The following SDC1 variants were observed in gnomAD, a reference collection of about 807,000 sequenced individuals.
SDC1 encodes syndecan 1, also known as syndecan-1.
SDC1 carries 14 observed loss-of-function variants against 29.7 expected under a neutral mutation model. The ratio of observed to expected loss-of-function variants is 0.47; its 90% CI spans 0.31 to 0.74. The LOEUF is 0.74. SDC1 is among the 30% of genes least tolerant of loss of function. SDC1 has a pLI of 0.05. For missense variants in SDC1, 406 were observed against 400.3 expected (o/e 1.01, Z -0.12); for synonymous variants, 204 against 175.5 (o/e 1.16, Z -1.29).
chr2:20,213,637 C>G (rs1677541785), intron 1 of SDC1, among the ~76,000 whole-genome samples: 1 of 152,204 alleles, frequency 6.6e-6, no homozygotes, highest in South Asian at 2.1e-4. Flanking sequence ...CCCTAAAGAG[C>G]CCACCAAGGT....
At chr2:20,208,395 C>A (rs1677349378) in intron 1 of SDC1, among the ~76,000 whole-genome samples, 1 of 152,254 alleles carries the variant, frequency 6.6e-6, no homozygotes, top group Non-Finnish European at 1.5e-5. Context: ...GAAACCAGCT[C>A]CCTGGCCTCC....
Position 20,224,154 on chromosome 2 carries a change from T to C in SDC1, c.66+648A>G. 1 of 426,348 alleles carries C rather than the reference T, an allele frequency of 2.3e-6. No individual in the cohort carries two copies. Among genetic ancestry groups the C allele is most frequent in the Non-Finnish European group, 4.7e-6 (1 of 213,782 alleles). The allele number at this position is 426,348 out of a possible 1,614,324, so 26.4% of individuals were successfully genotyped here. ...GGTCTCCAGCGTTCCGAGGCCAACTTCCCGGAACCTCCCGCTGCCGGGCCG... is the reference window on the plus strand; with the variant it reads ...GGTCTCCAGCGTTCCGAGGCCAACTCCCCGGAACCTCCCGCTGCCGGGCCG... On this transcript the variant is annotated intron_variant, in intron 1 of 4. Transcript: ENST00000254351. The surrounding 1 kb of genome is among the most constrained non-coding windows in gnomAD (Gnocchi z 4.9).
At position 20,205,442 on chromosome 2, in the gene SDC1, T is replaced by A; in HGVS notation, c.67-18A>T. 6.2e-7 allele frequency: 1 copy of A among 1,608,236 alleles called. No individual in the cohort carries two copies. The highest frequency in any genetic ancestry group is 1.3e-5 in the African/African-American group (1 of 74,934). On this transcript the variant is annotated intron_variant, in intron 1 of 4. Transcript: ENST00000254351. ...ACAATTTGCTGGAAAAGGATCAGAA[T>A]ATGGTATGAGTAAAGGCTTGGCCGG...
chr2:20,209,535 G>A (rs926266947), intron 1 of SDC1, among the ~76,000 whole-genome samples: 1 of 152,230 alleles, frequency 6.6e-6, no homozygotes, highest in African/African-American at 2.4e-5. Context: ...TTTGAGAGGT[G>A]GAGAGGAAAT....
intron 1 of SDC1, 97 bp from the exon 2 acceptor site, chr2:20,205,521 C>T: frequency 2.1e-6 from 2 of 934,986 alleles, no homozygotes; most frequent in Non-Finnish European, 3.4e-6. Flanking sequence ...TCACCCTACC[C>T]TGTGCTGCAC....
intron 1 of SDC1, among the ~76,000 whole-genome samples, chr2:20,208,503 C>G (rs924554775): frequency 1.3e-5 from 2 of 152,230 alleles, no homozygotes; most frequent in Non-Finnish European, 2.9e-5. Flanking sequence ...TGGGACAGCC[C>G]CTCAGATGAG....
intron 1 of SDC1, chr2:20,223,056 A>C (rs757449918): frequency 2.8e-6 from 1 of 361,750 alleles, no homozygotes; most frequent in African/African-American, 2.1e-5. Flanking sequence ...AGCTTCTTGG[A>C]CCTGAAAGCC....
Position 20,204,117 on chromosome 2 carries a change from G to A in SDC1, c.323C>T (p.Pro108Leu). 6.2e-7 allele frequency: 1 copy of A among 1,606,752 alleles called. No homozygotes were observed. Among genetic ancestry groups the A allele is most frequent in the Non-Finnish European group, 8.5e-7 (1 of 1,179,854 alleles). The change falls in exon 3 of 5, where the codon CCA (proline) becomes CTA (leucine). Residue 108 changes from proline (P) to leucine (L), a missense_variant. Pro to Leu is a moderately conservative substitution (Grantham distance 98). Coordinates refer to ENST00000254351, the MANE Select transcript of SDC1 (RefSeq NM_002997.5). Reference sequence around the variant, plus strand: ...GGCGGTGAGGCCAGGCTCCACTTCTGGCAGGACTACAGCCTCTCCCTCCTT... The same window carrying A: ...GGCGGTGAGGCCAGGCTCCACTTCTAGCAGGACTACAGCCTCTCCCTCCTT... ...GPKEGEAVVL[P>L]EVEPGLTARE...
intron 1 of SDC1, among the ~76,000 whole-genome samples, chr2:20,215,683 G>T (rs1190638160): frequency 3.3e-5 from 5 of 152,232 alleles, no homozygotes; most frequent in Non-Finnish European, 7.3e-5. Context: ...TCTGGGGCAG[G>T]ATATGAGAAA....
intron 1 of SDC1, chr2:20,223,431 C>G (rs74651173): frequency 2.1e-6 from 1 of 468,480 alleles, no homozygotes; most frequent in Non-Finnish European, 3.8e-6. Flanking sequence ...CTTCCCTGCC[C>G]ACGTGCCTCC....
Position 20,203,217 on chromosome 2 carries a change from G to A in SDC1, c.633C>T (p.Phe211=). The part of the protein sequence containing the change: ...PAAEGSGEQD[F]TFETSGENTA... ...TATTCTCCCCCGAGGTTTCAAAGGTGAAGTCCTGTGGGAGGGCAGGGGCAG... is the reference window on the plus strand; with the variant it reads ...TATTCTCCCCCGAGGTTTCAAAGGTAAAGTCCTGTGGGAGGGCAGGGGCAG... Residue 211 remains phenylalanine, a synonymous_variant, in exon 4 of 5, where the codon TTC becomes TTT. Transcript: ENST00000254351. 3 of 1,605,232 alleles carry A rather than the reference G, an allele frequency of 1.9e-6. No homozygotes were observed. Among genetic ancestry groups the A allele is most frequent in the Non-Finnish European group, 2.6e-6 (3 of 1,173,786 alleles).
Position 20,224,667 on chromosome 2 carries a change from C to A in SDC1, c.66+135G>T. The A allele has an allele frequency of 9.2e-7, 1 of 1,091,030 alleles. No individual in the cohort carries two copies. The highest frequency in any genetic ancestry group is 1.1e-6 in the Non-Finnish European group (1 of 871,532). The allele number at this position is 1,091,030 out of a possible 1,614,324, so 67.6% of individuals were successfully genotyped here. On this transcript the variant is annotated intron_variant, in intron 1 of 4. Coordinates refer to ENST00000254351, the MANE Select transcript of SDC1 (RefSeq NM_002997.5). This position sits in a 1 kb window ranked among gnomAD's most constrained non-coding sequence, Gnocchi z 4.9. ...GCCCTGGTCTCGGGGCTCACCGTCC[C>A]GGGACCCGCTGGGCTAGCGCGGGAA...
At chr2:20,207,969 C>A in intron 1 of SDC1, 1 of 985,452 alleles carries the variant, frequency 1.0e-6, no homozygotes, top group Non-Finnish European at 1.2e-6. Flanking sequence ...CTGCCCTGCC[C>A]TCTCCTGCTG....
At chr2:20,206,242 G>T (rs3771255) in intron 1 of SDC1, among the ~76,000 whole-genome samples, 2 of 152,086 alleles carry the variant, frequency 1.3e-5, no homozygotes, top group Admixed American at 1.3e-4. Flanking sequence ...GCCTGGGACG[G>T]GCCCTGCTGG....
At chr2:20,215,789 A>C (rs777609820) in intron 1 of SDC1, among the ~76,000 whole-genome samples, 1 of 152,216 alleles carries the variant, frequency 6.6e-6, no homozygotes, top group Non-Finnish European at 1.5e-5. Flanking sequence ...GATGTGATCC[A>C]GGTGGGCTAG....
intron 4 of SDC1, 57 bp from the exon 5 acceptor site, chr2:20,202,992 A>T (rs1572457840): frequency 6.4e-7 from 1 of 1,569,908 alleles, no homozygotes; most frequent in African/African-American, 1.4e-5. Flanking sequence ...TCTGCTGCAG[A>T]CCCTCCCCAA....
intron 3 of SDC1, 64 bp downstream of exon 3, chr2:20,203,749 C>T: frequency 8.2e-7 from 1 of 1,218,756 alleles, no homozygotes; most frequent in Non-Finnish European, 1.2e-6. Flanking sequence ...GGTGTAGGGC[C>T]TGCCAAGTGC....
chr2:20,202,624 C>A lies in SDC1; in HGVS notation c.*142G>T. ...GGAGCTCCCAGCACACCCCACGACT[C>A]CGTGGGCAGGAGCGACCAGAGGGGC... On this transcript the variant is annotated 3_prime_UTR_variant, in exon 5 of 5. Transcript: ENST00000254351. The A allele has an allele frequency of 1.2e-6, 1 of 804,650 alleles. No homozygotes were observed. Among genetic ancestry groups the A allele is most frequent in the Non-Finnish European group, 2.0e-6 (1 of 498,018 alleles). 49.8% of individuals were successfully genotyped at this position (804,650 alleles called of 1,614,324 possible). A position where few individuals can be genotyped will look rare whatever the true frequency, so the allele number is the denominator to read the frequency against.
At chr2:20,223,196 G>A (rs1313072046) in intron 1 of SDC1, 3 of 1,253,594 alleles carry the variant, frequency 2.4e-6, no homozygotes, top group South Asian at 2.5e-5. Flanking sequence ...CTGGAAGCAC[G>A]AGTCACCTGG....
Sources: allele counts gnomAD v4.1 joint callset (sites outside exome capture counted in the v4.1 genomes callset), GRCh38; gene constraint gnomAD v4.1.1; non-coding constraint Gnocchi (gnomAD v3.1); transcripts MANE v1.5; gene names NCBI Gene and HGNC (gene_info 2026-07-23, HGNC 2026-07-21).